CLASP2: variants seen among roughly 807,000 people sequenced by gnomAD.
The protein encoded by CLASP2 is CLIP-associating protein 2.
Under a neutral mutation model 194.4 loss-of-function variants are expected in CLASP2, and 47 were observed. The observed-to-expected ratio is 0.24, with a 90% confidence interval of 0.19 to 0.31. The LOEUF (loss-of-function observed/expected upper bound fraction) is 0.31. Ranked by LOEUF, CLASP2 falls within the 10% of genes least tolerant of loss-of-function variation. The pLI is 1.00. For synonymous variants in CLASP2, 619 were observed against 633.5 expected, an observed-to-expected ratio of 0.98 and a Z score of 0.34; for missense variants, 1,445 against 1,823.6, an observed-to-expected ratio of 0.79 and a Z score of 3.78.
rs763514853 is a variant in CLASP2 at position 33,612,096 on chromosome 3, TTGAAAA to T, written c.1318-31_1318-26del. Reference sequence around the variant, plus strand: ...GCTGAAAAAGATGTTTTAGAAAAGGTTGAAAATACTACACACTTCATGTGGTCCTTT... The same window carrying T: ...GCTGAAAAAGATGTTTTAGAAAAGGTTACTACACACTTCATGTGGTCCTTT... On this transcript the variant is annotated intron_variant, in intron 12 of 38. Coordinates refer to ENST00000682230, the MANE Select transcript of CLASP2 (RefSeq NM_001365631.1). 1.2e-5 allele frequency: 17 copies of T among 1,411,706 alleles called. No homozygotes were observed. In the African/African-American group the frequency reaches 2.0e-4, roughly 16 times the overall value. 87.4% of individuals were successfully genotyped at this position (1,411,706 alleles called of 1,614,324 possible).
At chr3:33,627,160 T>C in intron 9 of CLASP2, 80 bp from the exon 10 acceptor site, 1 of 794,276 alleles carries the variant, frequency 1.3e-6, no homozygotes, top group Non-Finnish European at 2.1e-6. Context: ...TTTAAAATAA[T>C]CTTTCACCTA....
intron 26 of CLASP2, among the ~76,000 whole-genome samples, chr3:33,570,334 T>C (rs1371149703): frequency 4.6e-5 from 7 of 152,176 alleles, no homozygotes; most frequent in Non-Finnish European, 8.8e-5. Context: ...AAATTATTAT[T>C]TCAAAATTGA....
intron 27 of CLASP2, among the ~76,000 whole-genome samples, chr3:33,561,781 CTCTT>C (rs2061829518): frequency 6.6e-6 from 1 of 151,958 alleles, no homozygotes; most frequent in Non-Finnish European, 1.5e-5. Context: ...AAGGCTGTAT[CTCTT>C]TATAAGATAG....
At position 33,535,415 on chromosome 3, in the gene CLASP2, G is replaced by A; in HGVS notation, c.3605C>T (p.Ala1202Val). The change falls in exon 34 of 39, where the codon GCT (alanine) becomes GTT (valine). Residue 1202 changes from alanine (A) to valine (V), a missense_variant. By Grantham distance (64) the Ala-to-Val change is moderately conservative (BLOSUM62 0). This residue lies in a region of CLASP2 where 732 missense variants were observed against 987.9 expected (regional missense o/e 0.74). Transcript: ENST00000682230. ...GMSDPRAGGD[A>V]TDSSQTALDN... ...AAGAGCTGTTTGACTTGAGTCAGTA[G>A]CATCACCTCCTGCTCTTGGGTCAGA... The A allele has an allele frequency of 6.2e-7, 1 of 1,613,958 alleles. No individual in the cohort carries two copies. Among genetic ancestry groups the A allele is most frequent in the Non-Finnish European group, 8.5e-7 (1 of 1,179,856 alleles).
intron 1 of CLASP2, among the ~76,000 whole-genome samples, chr3:33,702,598 T>C (rs1559683892): frequency 6.6e-6 from 1 of 151,924 alleles, no homozygotes; most frequent in African/African-American, 2.4e-5. Context: ...AAAAAAGAAT[T>C]AGAGTTTATC....
chr3:33,599,104 CTTATTTATTTAT>C (rs10556405), intron 18 of CLASP2, among the ~76,000 whole-genome samples: 6 of 150,374 alleles, frequency 4.0e-5, no homozygotes, highest in African/African-American at 9.8e-5. Flanking sequence ...TTGTTGTTGT[CTTATTTATTTAT>C]TTATTTATTT....
chr3:33,699,174 C>A (rs995047315), intron 1 of CLASP2, among the ~76,000 whole-genome samples: 1 of 151,942 alleles, frequency 6.6e-6, no homozygotes, highest in African/African-American at 2.4e-5. Flanking sequence ...ACAAATTACT[C>A]AAATTGAAAT....
chr3:33,514,259 T>C (rs1215023195), intron 36 of CLASP2, among the ~76,000 whole-genome samples: 6 of 152,120 alleles, frequency 3.9e-5, no homozygotes, highest in Non-Finnish European at 5.9e-5. Flanking sequence ...AGTGCTGGGA[T>C]TACAGGCGTA....
chr3:33,560,330 C>T (rs1026302513), intron 28 of CLASP2, among the ~76,000 whole-genome samples: 1 of 151,920 alleles, frequency 6.6e-6, no homozygotes, highest in Non-Finnish European at 1.5e-5. Context: ...GCAACCTCCA[C>T]CTCCCAGGTT....
intron 9 of CLASP2, among the ~76,000 whole-genome samples, chr3:33,631,821 A>T (rs1475352198): frequency 6.6e-6 from 1 of 151,112 alleles, no homozygotes; most frequent in Non-Finnish European, 1.5e-5. Flanking sequence ...TGAATGAACT[A>T]GAATCACAAA....
At chr3:33,655,742 T>A (rs1242081755) in intron 7 of CLASP2, among the ~76,000 whole-genome samples, 1 of 152,010 alleles carries the variant, frequency 6.6e-6, no homozygotes, top group Non-Finnish European at 1.5e-5. Flanking sequence ...AATCAAGTTT[T>A]ATATATATAT....
chr3:33,633,785 A>G (rs1260672059), intron 8 of CLASP2, among the ~76,000 whole-genome samples: 1 of 152,194 alleles, frequency 6.6e-6, no homozygotes, highest in Non-Finnish European at 1.5e-5. Context: ...AACATATTTA[A>G]GAACAACTTA....
At chr3:33,696,370 T>TTTTTTTTTTC (rs1205973603) in intron 2 of CLASP2, among the ~76,000 whole-genome samples, 1 of 148,598 alleles carries the variant, frequency 6.7e-6, no homozygotes, top group Non-Finnish European at 1.5e-5. Context: ...TTTTTTTTTT[T>TTTTTTTTTTC]TTTTTTTTGC....
intron 2 of CLASP2, among the ~76,000 whole-genome samples, chr3:33,694,733 G>A (rs2091693614): frequency 2.0e-5 from 3 of 152,164 alleles, no homozygotes. Context: ...CCAGAAATAA[G>A]AATTTTCATG....
At chr3:33,602,905 G>T (rs746802742) in intron 18 of CLASP2, 47 bp downstream of exon 18, 26 of 1,532,896 alleles carry the variant, frequency 1.7e-5, no homozygotes, top group Non-Finnish European at 2.2e-5. Flanking sequence ...TCTTCACAGA[G>T]ATCAGGGAGA....
At chr3:33,563,731 A>T (rs2062174621) in intron 27 of CLASP2, among the ~76,000 whole-genome samples, 1 of 152,126 alleles carries the variant, frequency 6.6e-6, no homozygotes, top group Non-Finnish European at 1.5e-5. Flanking sequence ...TTGTCAACTC[A>T]TGTCTCTTTG....
intron 30 of CLASP2, among the ~76,000 whole-genome samples, chr3:33,545,748 A>G (rs1254270800): frequency 6.6e-6 from 1 of 152,044 alleles, no homozygotes; most frequent in Admixed American, 6.6e-5. Flanking sequence ...CGTCTCTACT[A>G]AAAATACAAA....
chr3:33,586,727 T>C (rs2067455167), intron 21 of CLASP2, among the ~76,000 whole-genome samples: 1 of 152,148 alleles, frequency 6.6e-6, no homozygotes, highest in Admixed American at 6.5e-5. Flanking sequence ...TAAATCTTCA[T>C]GAAAGCAACC....
chr3:33,673,110 C>G (rs935267232), intron 6 of CLASP2, among the ~76,000 whole-genome samples: 2 of 152,048 alleles, frequency 1.3e-5, no homozygotes, highest in Non-Finnish European at 2.9e-5. Context: ...AGATACTCCT[C>G]GTGAAAAGCA....
Sources: allele counts gnomAD v4.1 joint callset (sites outside exome capture counted in the v4.1 genomes callset), GRCh38; gene constraint gnomAD v4.1.1; regional missense constraint gnomAD v4.1.1; transcripts MANE v1.5; gene names NCBI Gene and HGNC (gene_info 2026-07-23, HGNC 2026-07-21).